PPL: variants seen among roughly 807,000 people sequenced by gnomAD.
PPL encodes the protein 190 kDa paraneoplastic pemphigus antigen.
In PPL, 198 loss-of-function variants were observed where a neutral mutation model predicts 194.4. The ratio of observed to expected loss-of-function variants is 1.02; its 90% confidence interval spans 0.91 to 1.15. The LOEUF (loss-of-function observed/expected upper bound fraction) is 1.15. PPL is among the 50% of genes most tolerant of loss of function. PPL has a pLI of 0.00. For missense variants in PPL, 2,885 were observed against 2,294.8 expected (o/e 1.26, Z -5.25); for synonymous variants, 1,220 against 972.4 (o/e 1.25, Z -4.74).
chr16:4,918,750 T>C (rs143647941), intron 1 of PPL, among the ~76,000 whole-genome samples: 50 of 152,180 alleles, frequency 3.3e-4, no homozygotes, highest in African/African-American at 1.1e-3. Context: ...GGTCCTGTGT[T>C]CCCCCCACCA....
chr16:4,902,479 TTG>T lies in PPL; in HGVS notation c.363_364del (p.His121GlnfsTer36). 1 of 1,613,972 alleles carries T rather than the reference TTG, an allele frequency of 6.2e-7. No homozygotes were observed. Among genetic ancestry groups the T allele is most frequent in the South Asian group, 1.1e-5 (1 of 91,036 alleles). On this transcript the variant is annotated frameshift_variant, in exon 4 of 22. Coordinates refer to ENST00000345988, the MANE Select transcript of PPL (RefSeq NM_002705.5). LOFTEE classifies it high-confidence loss of function. This position sits in a 1 kb window ranked among gnomAD's most constrained non-coding sequence, Gnocchi z 4.0. ...CTTCACCGCCAGCCTGTAGATCTGC[TTG>T]TGTTTCCCGCGCAGGTTGGTCACAC... is the stretch of plus-strand genomic sequence containing the variant.
rs1159558945 is a variant in PPL, at chr16:4,884,770, G to C, written c.3885C>G (p.Ile1295Met). 1 of 1,614,042 alleles carries C rather than the reference G, an allele frequency of 6.2e-7. No individual in the cohort carries two copies. Among genetic ancestry groups the C allele is most frequent in the African/African-American group, 1.3e-5 (1 of 74,904 alleles). The stretch of plus-strand genomic sequence containing the variant: ...TTTGAGGGTCTTCTTGGAATTGGAG[G>C]ATCTCCTGGACCACCTCTTTGGTCT... Reference protein sequence around the residue: ...QVQTKEVVQEILQFQEDPQTK... With the variant: ...QVQTKEVVQEMLQFQEDPQTK... The change falls in exon 22 of 22, where the codon ATC becomes ATG. Residue 1295 changes from isoleucine (I) to methionine (M), a missense_variant. Coordinates refer to ENST00000345988, the MANE Select transcript of PPL (RefSeq NM_002705.5). The surrounding 1 kb of genome is among the most constrained non-coding windows in gnomAD (Gnocchi z 5.7).
intron 1 of PPL, among the ~76,000 whole-genome samples, chr16:4,918,324 A>G (rs934893292): frequency 6.6e-6 from 1 of 151,682 alleles, no homozygotes; most frequent in African/African-American, 2.4e-5. Context: ...GCCATTTAGA[A>G]ATGACAGGGG....
Position 4,888,150 on chromosome 16 carries a change from C to A in PPL, c.2466G>T (p.Val822=). The change falls in exon 20 of 22, where the codon GTG becomes GTT. Residue 822 remains valine, a synonymous_variant. Transcript: ENST00000345988. Reference sequence around the variant, plus strand: ...GAGATTGGAGCCTGGCTCTCTTGCTCACGTGGCTTCTCCTTCCATTCTCCA... The same window carrying A: ...GAGATTGGAGCCTGGCTCTCTTGCTAACGTGGCTTCTCCTTCCATTCTCCA... ...LDLENGRRSH[V]SKRARLQSPA... The A allele has an allele frequency of 6.2e-7, 1 of 1,614,028 alleles. No individual in the cohort carries two copies. The highest frequency in any genetic ancestry group is 8.5e-7 in the Non-Finnish European group (1 of 1,179,894).
In PPL at chr16:4,900,860, G is replaced by A. The variant is rs759052273; in HGVS notation, c.576C>T (p.Ser192=). The A allele has an allele frequency of 8.9e-5, 143 of 1,613,970 alleles. No individual in the cohort carries two copies. The highest frequency in any genetic ancestry group is 1.1e-4 in the Non-Finnish European group (126 of 1,180,038). Reference sequence around the variant, plus strand: ...GTTTCTGGTACTTGGCCCGGAGTTCGCTGTTCTGCTCCTGAGGACAGAGCC... The same window carrying A: ...GTTTCTGGTACTTGGCCCGGAGTTCACTGTTCTGCTCCTGAGGACAGAGCC... ...LAKDGDKEQN[S]ELRAKYQKLL... is the part of the protein sequence containing the mutation. Residue 192 remains serine, a synonymous_variant, in exon 6 of 22, where the codon AGC becomes AGT. Transcript: ENST00000345988.
chr16:4,930,405 T>G lies in PPL; in HGVS notation c.62+6579A>C, dbSNP rs146012507. On this transcript the variant is annotated intron_variant, in intron 1 of 21. Transcript: ENST00000345988. ...AGGCCTCGCACTCCTTTCCACTAGC[T>G]GGAACCCCTGCCCCATTCATCCCCA... 5.1e-4 allele frequency among the ~76,000 whole-genome samples: 77 copies of G among 152,296 alleles called. No individual in the cohort carries two copies. In the East Asian group the frequency reaches 0.013, roughly 26 times the overall value.
chr16:4,890,727 C>G lies in PPL; in HGVS notation c.2162+1G>C. The G allele has an allele frequency of 1.2e-6, 2 of 1,604,300 alleles. No homozygotes were observed. Among genetic ancestry groups the G allele is most frequent in the Non-Finnish European group, 1.7e-6 (2 of 1,175,890 alleles). ...ATGGCCACCACCCACCGCACCCTCA[C>G]CTGCGTTCCACCTGCTGGCGCAGGT... On this transcript the variant is annotated splice_donor_variant, in intron 17 of 21. Transcript: ENST00000345988. LOFTEE classifies it high-confidence loss of function.
intron 1 of PPL, among the ~76,000 whole-genome samples, chr16:4,915,051 C>T (rs763341807): frequency 6.6e-6 from 1 of 152,198 alleles, no homozygotes; most frequent in African/African-American, 2.4e-5. Flanking sequence ...AAGTGGGGGC[C>T]TTTGTCTCTC....
chr16:4,904,865 C>G (rs1051744442), intron 2 of PPL, among the ~76,000 whole-genome samples: 2 of 151,984 alleles, frequency 1.3e-5, no homozygotes, highest in African/African-American at 4.8e-5. Flanking sequence ...GTGGCACCAG[C>G]AAGAAGGAAC....
intron 1 of PPL, among the ~76,000 whole-genome samples, chr16:4,919,837 G>A (rs2088999759): frequency 2.0e-5 from 3 of 152,160 alleles, no homozygotes; most frequent in Admixed American, 6.5e-5. Flanking sequence ...GCTTAGGTGG[G>A]AGAATCGCTT....
At chr16:4,906,256 ACT>A (rs746801893) in intron 2 of PPL, among the ~76,000 whole-genome samples, 17 of 151,884 alleles carry the variant, frequency 1.1e-4, no homozygotes, top group Non-Finnish European at 1.8e-4. Context: ...ATGGAGTCTC[ACT>A]CTGTTGCCCA....
Position 4,889,052 on chromosome 16 carries a change from C to T in PPL, c.2323G>A (p.Asp775Asn). 1 of 1,613,380 alleles carries T rather than the reference C, an allele frequency of 6.2e-7. No homozygotes were observed. The highest frequency in any genetic ancestry group is 8.5e-7 in the Non-Finnish European group (1 of 1,179,584). ...TKLKNQKNLL[D>N]EIASREQEVQ... ...TCCTGCTCCCTACTTGCTATCTCAT[C>T]TAGCAGGTTCTGTAAGACAGAGTTT... Residue 775 changes from aspartate to asparagine, a missense_variant, in exon 19 of 22, where the codon GAT (aspartate) becomes AAT (asparagine). Physicochemically the swap from Asp to Asn is conservative, Grantham distance 23. Transcript: ENST00000345988.
intron 2 of PPL, among the ~76,000 whole-genome samples, chr16:4,910,607 C>G (rs917467943): frequency 6.6e-6 from 1 of 152,162 alleles, no homozygotes; most frequent in Admixed American, 6.5e-5. Context: ...GCAGGGCTTC[C>G]TGACCTTGGC....
chr16:4,908,837 G>A (rs1035058299), intron 2 of PPL, among the ~76,000 whole-genome samples: 6 of 152,206 alleles, frequency 3.9e-5, no homozygotes, highest in Admixed American at 2.6e-4. Context: ...CACCGCACCC[G>A]GCTCATGATT....
intron 20 of PPL, among the ~76,000 whole-genome samples, chr16:4,887,455 GC>G (rs60714147): frequency 2.2e-3 from 336 of 152,222 alleles, no homozygotes; most frequent in African/African-American, 7.5e-3. Context: ...CTGACTTTGA[GC>G]AAGTCTTTCT....
At chr16:4,889,806 C>A (rs561510765) in intron 18 of PPL, among the ~76,000 whole-genome samples, 23 of 152,290 alleles carry the variant, frequency 1.5e-4, no homozygotes, top group African/African-American at 5.5e-4. Context: ...ATTGGCTTCC[C>A]GTGTTCCTCC....
At chr16:4,917,996 A>AAC (rs1555523520) in intron 1 of PPL, among the ~76,000 whole-genome samples, 1 of 151,428 alleles carries the variant, frequency 6.6e-6, no homozygotes, top group Non-Finnish European at 1.5e-5. Context: ...CAAAAAAAAA[A>AAC]AACACAAAAA....
chr16:4,933,366 G>C (rs370214890), intron 1 of PPL, among the ~76,000 whole-genome samples: 1 of 152,170 alleles, frequency 6.6e-6, no homozygotes, highest in Non-Finnish European at 1.5e-5. Context: ...CTGGGACCCA[G>C]GTCTGGGTGG....
In PPL at chr16:4,890,852, T is replaced by C; in HGVS notation, c.2038A>G (p.Lys680Glu). 6.4e-7 allele frequency: 1 copy of C among 1,562,710 alleles called. No individual in the cohort carries two copies. The highest frequency in any genetic ancestry group is 1.9e-5 in the Admixed American group (1 of 52,672). ...GEVEQNLQAA[K>E]QCSSTLASRF... ...CTGGCCAGTGTGCTCGAGCACTGCTTGGCCGCCTGCAAGTTCTGCTCCACC... is the reference window on the plus strand; with the variant it reads ...CTGGCCAGTGTGCTCGAGCACTGCTCGGCCGCCTGCAAGTTCTGCTCCACC... Residue 680 changes from lysine to glutamate, a missense_variant, in exon 17 of 22, where the codon AAG becomes GAG. Lys to Glu is a moderately conservative substitution (Grantham distance 56). Transcript: ENST00000345988.
Sources: gnomAD v4.1 joint callset for allele counts (sites outside exome capture counted in the v4.1 genomes callset) on GRCh38, gnomAD v4.1.1 for gene constraint, Gnocchi (gnomAD v3.1) non-coding constraint, MANE v1.5 for transcripts, NCBI Gene and HGNC (gene_info 2026-07-23, HGNC 2026-07-21) for gene names.